The following RERE variants were observed in gnomAD, a reference collection of about 807,000 sequenced individuals.
RERE encodes arginine-glutamic acid dipeptide repeats protein.
Under a neutral mutation model 146.1 loss-of-function variants are expected in RERE, and 40 were observed. The ratio of observed to expected loss-of-function variants is 0.27; its 90% CI spans 0.21 to 0.36. RERE has a LOEUF of 0.36. Ranked by LOEUF, RERE falls within the 10% of genes least tolerant of loss-of-function variation. The probability of loss-of-function intolerance (pLI) is 1.00; values close to 1 mark genes in which losing one functional copy is unlikely to be tolerated. For synonymous variants in RERE, 1,003 were observed against 866.0 expected (o/e 1.16, Z -2.78); for missense variants, 1,933 against 2,138.7 (o/e 0.90, Z 1.90).
chr1:8,622,501 A>ACC (rs1373440182), intron 3 of RERE, among the ~76,000 whole-genome samples: 1 of 135,838 alleles, frequency 7.4e-6, no homozygotes, highest in African/African-American at 2.7e-5. Flanking sequence ...AAAAAAAAAA[A>ACC]AAAAAAAAAA....
chr1:8,398,142 T>C (rs1466139846), intron 12 of RERE, among the ~76,000 whole-genome samples: 3 of 152,230 alleles, frequency 2.0e-5, no homozygotes, highest in Non-Finnish European at 4.4e-5. Flanking sequence ...TTTAAAAATG[T>C]AGAGCATTTC....
intron 12 of RERE, among the ~76,000 whole-genome samples, chr1:8,414,496 C>T (rs1326539079): frequency 2.0e-5 from 3 of 150,940 alleles, no homozygotes; most frequent in Admixed American, 6.6e-5. Flanking sequence ...GTGGAGGTTG[C>T]GGTGAGCTGA....
intron 12 of RERE, among the ~76,000 whole-genome samples, chr1:8,405,125 G>GT (rs1194924886): frequency 6.6e-6 from 1 of 152,172 alleles, no homozygotes; most frequent in African/African-American, 2.4e-5. Flanking sequence ...TGAAAGAATA[G>GT]TAAGTGATGG....
At chr1:8,508,720 G>A in intron 7 of RERE, 45 bp from the exon 8 acceptor site, 1 of 1,457,602 alleles carries the variant, frequency 6.9e-7, no homozygotes, top group Non-Finnish European at 9.5e-7. Flanking sequence ...ATACAGTTTT[G>A]ACATAAACAT....
chr1:8,600,657 A>G (rs1167292905), intron 4 of RERE, among the ~76,000 whole-genome samples: 1 of 152,228 alleles, frequency 6.6e-6, no homozygotes, highest in African/African-American at 2.4e-5. Flanking sequence ...TACTAAAGTT[A>G]GCAGTAATAT....
chr1:8,714,519 C>T (rs531578858), intron 1 of RERE, among the ~76,000 whole-genome samples: 1 of 152,176 alleles, frequency 6.6e-6, no homozygotes, highest in African/African-American at 2.4e-5. Flanking sequence ...CAGACACACA[C>T]AGCCTCAAAA....
At chr1:8,643,392 G>A (rs1647207053) in intron 2 of RERE, among the ~76,000 whole-genome samples, 1 of 152,078 alleles carries the variant, frequency 6.6e-6, no homozygotes, top group South Asian at 2.1e-4. Flanking sequence ...AACACACTGT[G>A]GTTCACTGCT....
At chr1:8,390,437 C>T (rs910455647) in intron 12 of RERE, among the ~76,000 whole-genome samples, 3 of 152,174 alleles carry the variant, frequency 2.0e-5, no homozygotes, top group African/African-American at 7.2e-5. Context: ...AGGCTCTTCC[C>T]CTGCCCACTA....
chr1:8,436,582 C>T (rs1237666103), intron 11 of RERE, among the ~76,000 whole-genome samples: 3 of 152,136 alleles, frequency 2.0e-5, no homozygotes, highest in East Asian at 3.9e-4. Flanking sequence ...AGAAATCCTC[C>T]GTGAGAGGAT....
chr1:8,529,544 C>T (rs2124362699), intron 7 of RERE, among the ~76,000 whole-genome samples: 1 of 152,042 alleles, frequency 6.6e-6, no homozygotes, highest in South Asian at 2.1e-4. Context: ...TCGTGATCCT[C>T]CCGCCTCGGC....
At chr1:8,458,115 C>T (rs940020383) in intron 11 of RERE, among the ~76,000 whole-genome samples, 1 of 152,122 alleles carries the variant, frequency 6.6e-6, no homozygotes, top group African/African-American at 2.4e-5. Flanking sequence ...CGCATTAAAA[C>T]TGACTCCAAT....
intron 6 of RERE, among the ~76,000 whole-genome samples, chr1:8,542,033 T>C (rs1379297445): frequency 1.3e-5 from 2 of 152,136 alleles, no homozygotes; most frequent in African/African-American, 4.8e-5. Flanking sequence ...AACCCTACAA[T>C]ACTTACTCCA....
In RERE at chr1:8,778,377, T is replaced by A. The variant is rs74476193; in HGVS notation, c.-145+38783A>T. Among the ~76,000 whole-genome samples the A allele has an allele frequency of 8.5e-5, 13 of 152,332 alleles. No homozygotes were observed. The East Asian group carries it at 2.5e-3, about 29-fold the overall frequency. On this transcript the variant is annotated intron_variant, in intron 1 of 22. Coordinates refer to ENST00000400908, the MANE Select transcript of RERE (RefSeq NM_001042681.2). ...ATCTAGTGAAAACGTTCTTTACTTA[T>A]CAAGAACTGATGATACTTAAACTTC... is the stretch of plus-strand genomic sequence containing the variant.
chr1:8,694,004 A>G (rs956586263), intron 1 of RERE, among the ~76,000 whole-genome samples: 21 of 149,496 alleles, frequency 1.4e-4, no homozygotes, highest in Admixed American at 1.1e-3. Flanking sequence ...TGTTAGCAAA[A>G]CTGAACAACA....
chr1:8,780,968 T>G (rs913184300), intron 1 of RERE, among the ~76,000 whole-genome samples: 11 of 151,800 alleles, frequency 7.2e-5, no homozygotes, highest in Admixed American at 2.0e-4. Flanking sequence ...ATGTCTGTAA[T>G]CGCAGCACTC....
intron 1 of RERE, among the ~76,000 whole-genome samples, chr1:8,685,802 A>C (rs1639073774): frequency 6.6e-6 from 1 of 152,200 alleles, no homozygotes; most frequent in East Asian, 1.9e-4. Context: ...TGAAGAAGTT[A>C]AAAATAAAAC....
intron 12 of RERE, among the ~76,000 whole-genome samples, chr1:8,374,515 T>C (rs1390647229): frequency 6.6e-6 from 1 of 152,172 alleles, no homozygotes; most frequent in Non-Finnish European, 1.5e-5. Context: ...CATTTGCTAA[T>C]CCCACCCTGG....
intron 10 of RERE, among the ~76,000 whole-genome samples, chr1:8,492,707 C>G (rs1010406188): frequency 2.6e-5 from 4 of 152,124 alleles, no homozygotes; most frequent in African/African-American, 9.7e-5. Flanking sequence ...CGAGACCAGC[C>G]TGGGCAATAC....
At chr1:8,434,658 C>T (rs1352059255) in intron 11 of RERE, 1 of 152,202 alleles carries the variant, frequency 6.6e-6, no homozygotes, top group Non-Finnish European at 1.5e-5. Context: ...TACCAGGTGA[C>T]TTCTAAGACT....
Sources: allele counts gnomAD v4.1 joint callset (sites outside exome capture counted in the v4.1 genomes callset), GRCh38; gene constraint gnomAD v4.1.1; transcripts MANE v1.5; gene names NCBI Gene and HGNC (gene_info 2026-07-23, HGNC 2026-07-21).